SYTL3: variants seen among roughly 807,000 people sequenced by gnomAD.
SYTL3 encodes synaptotagmin like 3, also known as synaptotagmin-like protein 3.
In SYTL3, 88 loss-of-function variants were observed where a neutral mutation model predicts 82.1. The ratio of observed to expected loss-of-function variants is 1.07; its 90% CI spans 0.90 to 1.28. The LOEUF (loss-of-function observed/expected upper bound fraction) is 1.28. Ranked by LOEUF, SYTL3 falls within the 50% of genes most tolerant of loss-of-function variation. The pLI is 0.00. For missense variants in SYTL3, 831 were observed against 757.6 expected, an observed-to-expected ratio of 1.10 and a Z score of -1.14; for synonymous variants, 311 against 289.4, an observed-to-expected ratio of 1.07 and a Z score of -0.76.
At chr6:158,674,194 T>A (rs193208439) in intron 5 of SYTL3, among the ~76,000 whole-genome samples, 24 of 152,172 alleles carry the variant, frequency 1.6e-4, no homozygotes, top group African/African-American at 5.8e-4. Context: ...CTGGCAAGTG[T>A]CTCTGCCAAG....
intron 6 of SYTL3, among the ~76,000 whole-genome samples, chr6:158,686,257 C>A (rs974017542): frequency 6.6e-6 from 1 of 152,198 alleles, no homozygotes; most frequent in Non-Finnish European, 1.5e-5. Flanking sequence ...TCAGTAAGGA[C>A]AAACAAACCA....
chr6:158,733,620 C>T (rs932256605), intron 11 of SYTL3, among the ~76,000 whole-genome samples: 1 of 151,736 alleles, frequency 6.6e-6, no homozygotes. Context: ...AGCCACCGTG[C>T]CCGGCCACCT....
At chr6:158,675,350 C>G (rs886091341) in intron 5 of SYTL3, among the ~76,000 whole-genome samples, 3 of 152,084 alleles carry the variant, frequency 2.0e-5, no homozygotes, top group African/African-American at 2.4e-5. Flanking sequence ...TGATAAAAAC[C>G]CTTTCTTTAT....
At position 158,763,250 on chromosome 6, in the gene SYTL3, G is replaced by C. The variant is rs1013983244; in HGVS notation, c.1518-54G>C. ...CGTCTGCACTGACGCACAGGCCTCA[G>C]GAGAGAAGGCCGTGTGGATGGCAAT... On this transcript the variant is annotated intron_variant, in intron 16 of 17. Coordinates refer to ENST00000611299, the MANE Select transcript of SYTL3 (RefSeq NM_001242394.2). 43 of 1,553,372 alleles carry C rather than the reference G, an allele frequency of 2.8e-5. No homozygotes were observed. In the Admixed American group the frequency reaches 7.0e-4, roughly 25 times the overall value.
At chr6:158,748,073 G>A (rs1316261510) in intron 12 of SYTL3, among the ~76,000 whole-genome samples, 9 of 122,942 alleles carry the variant, frequency 7.3e-5, no homozygotes, top group African/African-American at 2.8e-4. Context: ...TCTTCTTATC[G>A]TTTTTTTTTT....
At chr6:158,714,309 G>A (rs767429651) in intron 9 of SYTL3, among the ~76,000 whole-genome samples, 1 of 151,430 alleles carries the variant, frequency 6.6e-6, no homozygotes. Context: ...CCAAGATCAC[G>A]CCACTGGACT....
At chr6:158,723,296 T>G (rs746998435) in intron 10 of SYTL3, among the ~76,000 whole-genome samples, 2 of 151,646 alleles carry the variant, frequency 1.3e-5, no homozygotes, top group Non-Finnish European at 2.9e-5. Context: ...TAGCCAGGTC[T>G]CAATCTCCTG....
At chr6:158,697,267 C>T (rs996587300) in intron 6 of SYTL3, among the ~76,000 whole-genome samples, 1 of 134,974 alleles carries the variant, frequency 7.4e-6, no homozygotes, top group African/African-American at 2.9e-5. Flanking sequence ...GGTGAAACCC[C>T]ATCTCTACGG....
intron 13 of SYTL3, among the ~76,000 whole-genome samples, chr6:158,752,313 G>T (rs768242117): frequency 5.3e-5 from 8 of 152,096 alleles, no homozygotes; most frequent in Non-Finnish European, 1.2e-4. Context: ...CTTTGTCTCG[G>T]GCTAACACCG....
intron 11 of SYTL3, among the ~76,000 whole-genome samples, chr6:158,729,999 T>C (rs372514070): frequency 2.6e-5 from 4 of 152,340 alleles, no homozygotes; most frequent in East Asian, 3.8e-4. Flanking sequence ...CCCTATCCTA[T>C]GTAGCTGTTA....
At position 158,673,326 on chromosome 6, in the gene SYTL3, C is replaced by G. The variant is rs997118193; in HGVS notation, c.329+7713C>G. On this transcript the variant is annotated intron_variant, in intron 5 of 17. Coordinates refer to ENST00000611299, the MANE Select transcript of SYTL3 (RefSeq NM_001242394.2). ...AAGGGCCGTTCTTTTGAGCTGCTCC[C>G]TCTTGGGTCTCCTGGGTTTTTATTT... Among the ~76,000 whole-genome samples the G allele has an allele frequency of 1.1e-4, 17 of 152,138 alleles. No individual in the cohort carries two copies. In the East Asian group the frequency reaches 1.9e-3, roughly 17 times the overall value.
At chr6:158,675,680 G>A (rs566936040) in intron 5 of SYTL3, among the ~76,000 whole-genome samples, 1 of 152,290 alleles carries the variant, frequency 6.6e-6, no homozygotes, top group African/African-American at 2.4e-5. Flanking sequence ...GGGCGCAGTG[G>A]CTCACGCCTG....
intron 5 of SYTL3, among the ~76,000 whole-genome samples, chr6:158,667,741 G>C (rs1338327285): frequency 6.6e-6 from 1 of 152,214 alleles, no homozygotes; most frequent in Non-Finnish European, 1.5e-5. Context: ...GGAAGTGCTA[G>C]GGTAGCAATG....
chr6:158,739,334 T>C (rs1237535171), intron 11 of SYTL3, among the ~76,000 whole-genome samples: 1 of 152,248 alleles, frequency 6.6e-6, no homozygotes, highest in South Asian at 2.1e-4. Flanking sequence ...ATCCTTTTTT[T>C]CTCTACCATT....
At chr6:158,725,864 C>T in intron 11 of SYTL3, 2 of 702,558 alleles carry the variant, frequency 2.8e-6, no homozygotes, top group Non-Finnish European at 5.2e-6. Flanking sequence ...GGTGTGTCAG[C>T]AGATTCATTA....
intron 11 of SYTL3, among the ~76,000 whole-genome samples, chr6:158,744,304 C>CTTTTTTTT (rs869182913): frequency 1.9e-4 from 19 of 99,208 alleles, no homozygotes; most frequent in Non-Finnish European, 3.4e-4. Context: ...CTTTTTCTTT[C>CTTTTTTTT]TTTTTTTTTT....
chr6:158,757,722 C>T (rs545333998), intron 14 of SYTL3, among the ~76,000 whole-genome samples: 5 of 152,328 alleles, frequency 3.3e-5, no homozygotes, highest in African/African-American at 1.2e-4. Flanking sequence ...TCCCTGGGGG[C>T]ACCGCCCGCA....
At chr6:158,747,223 G>T (rs113247107) in intron 12 of SYTL3, among the ~76,000 whole-genome samples, 7,769 of 152,290 alleles carry the variant, frequency 0.051, 230 homozygotes, top group Non-Finnish European at 0.061. Context: ...CTGACCTAAA[G>T]TGATCCACCC....
intron 2 of SYTL3, among the ~76,000 whole-genome samples, chr6:158,657,445 A>AAAG (rs1318248057): frequency 2.3e-4 from 34 of 150,458 alleles, no homozygotes; most frequent in East Asian, 2.1e-3. Flanking sequence ...AAAAAAAAAA[A>AAAG]AGAGAGAAAA....
Sources: gnomAD v4.1 joint callset for allele counts (sites outside exome capture counted in the v4.1 genomes callset) on GRCh38, gnomAD v4.1.1 for gene constraint, MANE v1.5 for transcripts, NCBI Gene and HGNC (gene_info 2026-07-23, HGNC 2026-07-21) for gene names.